Variants in NRG3 observed in about 807,000 individuals in gnomAD.
NRG3 encodes pro-neuregulin-3, membrane-bound isoform.
Under a neutral mutation model 66.9 loss-of-function variants are expected in NRG3, and 31 were observed. The observed-to-expected ratio is 0.46, with a 90% CI of 0.35 to 0.63. The LOEUF is 0.63. Among genes scored for constraint, NRG3 ranks in the 20% least tolerant of loss-of-function variants. NRG3 has a pLI of 0.00. For synonymous variants in NRG3, 393 were observed against 359.4 expected (o/e 1.09, Z -1.06); for missense variants, 910 against 878.9 (o/e 1.04, Z -0.45).
In NRG3 at chr10:82,624,556, C is replaced by T. The variant is rs537881590; in HGVS notation, c.954-114021C>T. Reference sequence around the variant, plus strand: ...ATACTCTGACTTATGAAACTGGAAACGTAAATTACAGCATAAAATATTTAT... The same window carrying T: ...ATACTCTGACTTATGAAACTGGAAATGTAAATTACAGCATAAAATATTTAT... On this transcript the variant is annotated intron_variant, in intron 2 of 8. Transcript: ENST00000372141. 4.9e-4 allele frequency among the ~76,000 whole-genome samples: 75 copies of T among 151,968 alleles called. 2 individuals carry two copies. Among genetic ancestry groups the T allele is most frequent in the South Asian group, 3.1e-3 (15 of 4,818 alleles).
intron 1 of NRG3, among the ~76,000 whole-genome samples, chr10:82,237,263 T>C (rs2076799577): frequency 6.6e-6 from 1 of 152,186 alleles, no homozygotes; most frequent in Admixed American, 6.5e-5. Flanking sequence ...TTGAACATTT[T>C]ATGCCTCCTC....
intron 2 of NRG3, among the ~76,000 whole-genome samples, chr10:82,388,972 G>A (rs1389148696): frequency 2.0e-5 from 3 of 152,158 alleles, no homozygotes; most frequent in African/African-American, 7.2e-5. Context: ...AGATCCTCAG[G>A]TTAGTCTTAA....
chr10:82,127,746 G>T (rs1781355923), intron 1 of NRG3, among the ~76,000 whole-genome samples: 1 of 151,846 alleles, frequency 6.6e-6, no homozygotes, highest in Non-Finnish European at 1.5e-5. Flanking sequence ...GGACTCCTTA[G>T]CCCACACTCT....
At chr10:82,654,163 G>A (rs1219410050) in intron 2 of NRG3, among the ~76,000 whole-genome samples, 3 of 152,126 alleles carry the variant, frequency 2.0e-5, no homozygotes, top group Admixed American at 2.0e-4. Flanking sequence ...GGCTGGACAT[G>A]ACCCCTTTCC....
intron 3 of NRG3, among the ~76,000 whole-genome samples, chr10:82,765,715 G>C (rs954614000): frequency 1.3e-5 from 2 of 152,112 alleles, no homozygotes; most frequent in African/African-American, 4.8e-5. Flanking sequence ...GAGGAATGTG[G>C]TATCCTGATC....
At chr10:82,102,132 T>TTATATA (rs2066782910) in intron 1 of NRG3, among the ~76,000 whole-genome samples, 1 of 6,052 alleles carries the variant, frequency 1.7e-4, no homozygotes, top group African/African-American at 4.9e-4. Context: ...ATATGTGTAT[T>TTATATA]CATATATATA....
chr10:81,981,572 TG>T (rs2060333672), intron 1 of NRG3, among the ~76,000 whole-genome samples: 2 of 152,180 alleles, frequency 1.3e-5, no homozygotes, highest in South Asian at 4.1e-4. Context: ...TCCTGGGAAG[TG>T]GCAGCCTGGT....
chr10:82,846,814 T>C (rs937706790), intron 3 of NRG3, among the ~76,000 whole-genome samples: 1 of 152,234 alleles, frequency 6.6e-6, no homozygotes, highest in South Asian at 2.1e-4. Flanking sequence ...AGTTTGGTTT[T>C]GGAGTTGTGG....
At chr10:81,882,688 C>T (rs929089503) in intron 1 of NRG3, among the ~76,000 whole-genome samples, 3 of 152,132 alleles carry the variant, frequency 2.0e-5, no homozygotes, top group African/African-American at 7.2e-5. Flanking sequence ...CATCCAAGAG[C>T]ACATCAGACT....
chr10:82,520,349 A>C (rs1170629313), intron 2 of NRG3, among the ~76,000 whole-genome samples: 1 of 151,854 alleles, frequency 6.6e-6, no homozygotes, highest in Non-Finnish European at 1.5e-5. Context: ...CTGGGGCTTC[A>C]CTTTTTACCC....
intron 2 of NRG3, among the ~76,000 whole-genome samples, chr10:82,506,729 T>C (rs1424434560): frequency 6.6e-6 from 1 of 152,216 alleles, no homozygotes; most frequent in Non-Finnish European, 1.5e-5. Context: ...GAAAGCAGTC[T>C]AACAATTTTT....
At chr10:82,052,844 G>A (rs1046068360) in intron 1 of NRG3, among the ~76,000 whole-genome samples, 1 of 151,862 alleles carries the variant, frequency 6.6e-6, no homozygotes, top group African/African-American at 2.4e-5. Flanking sequence ...TGGACATAAG[G>A]AAAAAAAGTT....
intron 3 of NRG3, among the ~76,000 whole-genome samples, chr10:82,855,756 A>C (rs781544356): frequency 1.3e-5 from 2 of 152,140 alleles, no homozygotes; most frequent in Non-Finnish European, 1.5e-5. Flanking sequence ...TAAAAAAAAA[A>C]CCCAGAACAT....
At chr10:82,198,604 G>C (rs558985858) in intron 1 of NRG3, among the ~76,000 whole-genome samples, 1 of 152,278 alleles carries the variant, frequency 6.6e-6, no homozygotes, top group East Asian at 1.9e-4. Flanking sequence ...TTAAAAAAGT[G>C]TTGTTTCATT....
At chr10:82,257,390 A>G (rs982669748) in intron 1 of NRG3, among the ~76,000 whole-genome samples, 3 of 152,206 alleles carry the variant, frequency 2.0e-5, no homozygotes, top group African/African-American at 7.2e-5. Flanking sequence ...AGTTGAGTGA[A>G]TAAATAAAGA....
chr10:82,157,886 A>G (rs2071298156), intron 1 of NRG3, among the ~76,000 whole-genome samples: 1 of 151,704 alleles, frequency 6.6e-6, no homozygotes. Context: ...GTGTTTTAAG[A>G]ATACAACCCA....
chr10:82,735,609 G>A (rs2058115022), intron 2 of NRG3, among the ~76,000 whole-genome samples: 1 of 152,182 alleles, frequency 6.6e-6, no homozygotes, highest in African/African-American at 2.4e-5. Context: ...CCTTTGCAGG[G>A]ACATGGATGA....
intron 1 of NRG3, among the ~76,000 whole-genome samples, chr10:82,265,977 G>A (rs956008495): frequency 7.2e-5 from 11 of 152,124 alleles, no homozygotes; most frequent in Admixed American, 6.6e-4. Flanking sequence ...GGGCTTCAGA[G>A]AAAAGTTCTT....
At position 82,109,583 on chromosome 10, in the gene NRG3, A is replaced by G. The variant is rs909336968; in HGVS notation, c.823+233420A>G. Among the ~76,000 whole-genome samples the G allele has an allele frequency of 2.0e-3, 292 of 147,600 alleles. 1 individual carries two copies. Among genetic ancestry groups the G allele is most frequent in the African/African-American group, 6.8e-3 (275 of 40,274 alleles). On this transcript the variant is annotated intron_variant, in intron 1 of 8. Transcript: ENST00000372141. ...TGTGTGTGTGTGTGTGTGTGTATAT[A>G]TATATTTTCAGATCAAATTGATTCC...
Sources: gnomAD v4.1 joint callset for allele counts (sites outside exome capture counted in the v4.1 genomes callset) on GRCh38, gnomAD v4.1.1 for gene constraint, MANE v1.5 for transcripts, NCBI Gene and HGNC (gene_info 2026-07-23, HGNC 2026-07-21) for gene names.